NELL1: variants seen among roughly 807,000 people sequenced by gnomAD.
NELL1 encodes the protein neural EGFL like 1.
A neutral mutation model predicts 107.4 loss-of-function variants in NELL1; 76 were observed. That is an observed-to-expected ratio of 0.71 (90% CI 0.59 to 0.86). The LOEUF (loss-of-function observed/expected upper bound fraction) is 0.86, where lower values mean the gene tolerates loss of function less well. Ranked by LOEUF, NELL1 falls within the 40% of genes least tolerant of loss-of-function variation. NELL1 has a pLI of 0.00. For synonymous variants in NELL1, 353 were observed against 341.2 expected (o/e 1.03, Z -0.38); for missense variants, 1,024 against 1,005.5 (o/e 1.02, Z -0.25).
At chr11:21,522,363 A>G (rs928263451) in intron 15 of NELL1, among the ~76,000 whole-genome samples, 3 of 152,246 alleles carry the variant, frequency 2.0e-5, no homozygotes, top group Admixed American at 6.5e-5. Flanking sequence ...TTAGATATAC[A>G]CAATGGAATG....
intron 13 of NELL1, among the ~76,000 whole-genome samples, chr11:21,166,014 C>CA (rs1282520800): frequency 6.6e-6 from 1 of 151,588 alleles, no homozygotes; most frequent in African/African-American, 2.4e-5. Context: ...CTTGACCTCC[C>CA]AAAGTGCTGG....
intron 12 of NELL1, among the ~76,000 whole-genome samples, chr11:21,045,512 A>G (rs1565031100): frequency 6.6e-6 from 1 of 152,224 alleles, no homozygotes; most frequent in Admixed American, 6.5e-5. Context: ...ATACTATTCT[A>G]TCACCTTCTT....
At chr11:21,145,648 CAT>C (rs991675549) in intron 13 of NELL1, among the ~76,000 whole-genome samples, 40 of 152,178 alleles carry the variant, frequency 2.6e-4, no homozygotes, top group Non-Finnish European at 4.3e-4. Flanking sequence ...ATCTCTTCCA[CAT>C]GTCTTAGACA....
chr11:21,308,048 C>T (rs1274169837), intron 14 of NELL1, among the ~76,000 whole-genome samples: 1 of 151,980 alleles, frequency 6.6e-6, no homozygotes, highest in Non-Finnish European at 1.5e-5. Context: ...CATGTGGAAT[C>T]ACATAGCTCT....
chr11:21,522,383 C>G (rs937035475), intron 15 of NELL1, among the ~76,000 whole-genome samples: 10 of 152,010 alleles, frequency 6.6e-5, no homozygotes, highest in African/African-American at 2.4e-4. Flanking sequence ...GCTATTTAGC[C>G]GTAAAAAATG....
At chr11:21,414,182 G>A (rs1852444905) in intron 15 of NELL1, among the ~76,000 whole-genome samples, 1 of 152,012 alleles carries the variant, frequency 6.6e-6, no homozygotes, top group Admixed American at 6.6e-5. Flanking sequence ...GCTGGGCCTG[G>A]TAAGAGGTCT....
At chr11:21,283,509 A>G (rs1188260226) in intron 14 of NELL1, among the ~76,000 whole-genome samples, 1 of 152,232 alleles carries the variant, frequency 6.6e-6, no homozygotes, top group East Asian at 1.9e-4. Flanking sequence ...TTTTAAAAGC[A>G]TGTGATACAG....
chr11:21,169,173 C>G (rs1346160695), intron 13 of NELL1, among the ~76,000 whole-genome samples: 1 of 151,796 alleles, frequency 6.6e-6, no homozygotes, highest in Non-Finnish European at 1.5e-5. Flanking sequence ...TGGTGACCAA[C>G]ACGGAGGGAT....
intron 15 of NELL1, among the ~76,000 whole-genome samples, chr11:21,469,359 C>G (rs894714381): frequency 3.9e-5 from 6 of 151,942 alleles, no homozygotes; most frequent in Admixed American, 6.6e-5. Flanking sequence ...TCTCCACTTG[C>G]AAGAAAAAGT....
chr11:20,707,734 T>G (rs1221583165), intron 2 of NELL1, among the ~76,000 whole-genome samples: 1 of 152,164 alleles, frequency 6.6e-6, no homozygotes, highest in Admixed American at 6.5e-5. Flanking sequence ...TCTGGAAGCT[T>G]TGTCTCAGAG....
intron 14 of NELL1, among the ~76,000 whole-genome samples, chr11:21,308,040 T>C (rs1280101978): frequency 6.6e-6 from 1 of 152,028 alleles, no homozygotes; most frequent in Non-Finnish European, 1.5e-5. Flanking sequence ...GCCTGACTCA[T>C]GTGGAATCAC....
intron 16 of NELL1, among the ~76,000 whole-genome samples, chr11:21,559,463 C>T (rs561653106): frequency 9.9e-5 from 15 of 152,072 alleles, no homozygotes; most frequent in South Asian, 2.1e-4. Flanking sequence ...CAGAATCGGC[C>T]GACTGGATTT....
intron 13 of NELL1, among the ~76,000 whole-genome samples, chr11:21,192,221 A>T (rs1857064830): frequency 6.6e-6 from 1 of 151,920 alleles, no homozygotes. Context: ...AATTGAACTA[A>T]AGATAAAGTG....
At chr11:21,365,236 A>T (rs1268882254) in intron 14 of NELL1, among the ~76,000 whole-genome samples, 1 of 152,060 alleles carries the variant, frequency 6.6e-6, no homozygotes, top group African/African-American at 2.4e-5. Context: ...GACAATTTTC[A>T]TGACTAGTTG....
At chr11:21,138,799 A>G (rs894177251) in intron 13 of NELL1, among the ~76,000 whole-genome samples, 12 of 152,202 alleles carry the variant, frequency 7.9e-5, no homozygotes, top group African/African-American at 2.2e-4. Context: ...TTTCTGTTTG[A>G]AACCGTGACT....
At chr11:20,972,538 T>C (rs1388306164) in intron 12 of NELL1, among the ~76,000 whole-genome samples, 3 of 151,932 alleles carry the variant, frequency 2.0e-5, no homozygotes, top group Non-Finnish European at 2.9e-5. Context: ...AATTAGAAAC[T>C]AGAGGGAGGC....
chr11:20,687,594 A>C (rs1854338743), intron 2 of NELL1, among the ~76,000 whole-genome samples: 1 of 142,894 alleles, frequency 7.0e-6, no homozygotes, highest in African/African-American at 2.7e-5. Flanking sequence ...GAACTAAACT[A>C]AATTTTTTTT....
At chr11:20,692,629 G>A (rs2133868486) in intron 2 of NELL1, among the ~76,000 whole-genome samples, 1 of 151,336 alleles carries the variant, frequency 6.6e-6, no homozygotes, top group South Asian at 2.1e-4. Context: ...GTTCTAGTTT[G>A]ATTACACTGT....
intron 14 of NELL1, among the ~76,000 whole-genome samples, chr11:21,354,291 C>T (rs750756746): frequency 2.6e-5 from 4 of 152,040 alleles, no homozygotes; most frequent in African/African-American, 7.2e-5. Context: ...GGCTAAGTTG[C>T]GAGATATGAT....
Sources: gnomAD v4.1 joint callset for allele counts (sites outside exome capture counted in the v4.1 genomes callset) on GRCh38, gnomAD v4.1.1 for gene constraint, MANE v1.5 for transcripts, NCBI Gene and HGNC (gene_info 2026-07-23, HGNC 2026-07-21) for gene names.